KCNU1: variants seen among roughly 807,000 people sequenced by gnomAD.
The protein encoded by KCNU1 is potassium channel subfamily U member 1.
A neutral mutation model predicts 126.8 loss-of-function variants in KCNU1; 93 were observed. The observed-to-expected ratio is 0.73, with a 90% confidence interval of 0.62 to 0.87. The LOEUF is 0.87. Among genes scored for constraint, KCNU1 ranks in the 40% least tolerant of loss-of-function variants. The pLI is 0.00. For missense variants in KCNU1, 1,330 were observed against 1,367.1 expected (o/e 0.97, Z 0.43); for synonymous variants, 523 against 494.2 (o/e 1.06, Z -0.77).
At chr8:36,883,599 C>T (rs1197313715) in intron 19 of KCNU1, among the ~76,000 whole-genome samples, 3 of 151,966 alleles carry the variant, frequency 2.0e-5, no homozygotes, top group South Asian at 4.2e-4. Flanking sequence ...GCCTGGGCAA[C>T]ATGGTGAAAC....
chr8:36,821,346 C>T (rs183110034), intron 10 of KCNU1, among the ~76,000 whole-genome samples: 3 of 152,298 alleles, frequency 2.0e-5, no homozygotes, highest in Non-Finnish European at 2.9e-5. Context: ...CAGTGCCCTC[C>T]GTTACAACCC....
intron 24 of KCNU1, among the ~76,000 whole-genome samples, chr8:36,927,997 A>G (rs1389838466): frequency 8.4e-6 from 1 of 119,596 alleles, no homozygotes; most frequent in Non-Finnish European, 1.7e-5. Flanking sequence ...GATGGAAGGA[A>G]GGAAGGGAGG....
chr8:36,929,179 T>C, intron 24 of KCNU1: 1 of 526,064 alleles, frequency 1.9e-6, no homozygotes, highest in Non-Finnish European at 3.4e-6. Context: ...GTCAGGAGTT[T>C]GAGATCAGCA....
At chr8:36,885,831 A>T (rs552371950) in intron 19 of KCNU1, among the ~76,000 whole-genome samples, 1 of 152,226 alleles carries the variant, frequency 6.6e-6, no homozygotes, top group Admixed American at 6.5e-5. Flanking sequence ...CAATCAGAGC[A>T]TTCTCCATTA....
At chr8:36,884,006 G>A (rs988402672) in intron 19 of KCNU1, among the ~76,000 whole-genome samples, 1 of 152,172 alleles carries the variant, frequency 6.6e-6, no homozygotes, top group Non-Finnish European at 1.5e-5. Context: ...GGGTTGGGAA[G>A]ACTTGCAACT....
chr8:36,827,858 G>A (rs1235391489), intron 10 of KCNU1, among the ~76,000 whole-genome samples: 1 of 152,038 alleles, frequency 6.6e-6, no homozygotes, highest in African/African-American at 2.4e-5. Flanking sequence ...AAGGTGTATT[G>A]AGCCCATTGT....
chr8:36,910,161 A>T (rs1174302262), intron 21 of KCNU1, among the ~76,000 whole-genome samples: 1 of 152,156 alleles, frequency 6.6e-6, no homozygotes, highest in South Asian at 2.1e-4. Flanking sequence ...TTTCATTTTC[A>T]TGAGATACGC....
chr8:36,922,882 T>G, intron 24 of KCNU1: 1 of 575,298 alleles, frequency 1.7e-6, no homozygotes, highest in East Asian at 3.7e-5. Context: ...GAAGAGTGAG[T>G]GTCGGCCTCT....
At chr8:36,888,849 C>T (rs777089711) in intron 19 of KCNU1, 3 of 472,282 alleles carry the variant, frequency 6.4e-6, no homozygotes, top group Non-Finnish European at 1.3e-5. Context: ...AAATCAAGCA[C>T]ATCTTTGCTA....
At chr8:36,848,756 C>T in intron 18 of KCNU1, among the ~76,000 whole-genome samples, 1 of 152,090 alleles carries the variant, frequency 6.6e-6, no homozygotes, top group Non-Finnish European at 1.5e-5. Context: ...GTTTCAAGAG[C>T]ACACCACTGA....
chr8:36,844,637 A>G (rs1473643339), intron 16 of KCNU1, among the ~76,000 whole-genome samples: 1 of 152,216 alleles, frequency 6.6e-6, no homozygotes, highest in African/African-American at 2.4e-5. Flanking sequence ...TTGGCTGTGC[A>G]AGCTCATTTA....
At chr8:36,857,061 C>T (rs935433681) in intron 18 of KCNU1, among the ~76,000 whole-genome samples, 6 of 152,194 alleles carry the variant, frequency 3.9e-5, no homozygotes, top group East Asian at 3.9e-4. Flanking sequence ...CCATTGCTCC[C>T]GAGCTTGCAG....
chr8:36,837,855 C>T (rs1160037797), intron 14 of KCNU1, among the ~76,000 whole-genome samples: 1 of 151,652 alleles, frequency 6.6e-6, no homozygotes, highest in Non-Finnish European at 1.5e-5. Flanking sequence ...TGAGTCCATG[C>T]TTGCCTTTCA....
intron 22 of KCNU1, among the ~76,000 whole-genome samples, chr8:36,917,926 A>T (rs932901902): frequency 3.3e-5 from 5 of 152,142 alleles, no homozygotes; most frequent in African/African-American, 7.2e-5. Context: ...AGCCTTCCAT[A>T]TGGAGACAGG....
intron 18 of KCNU1, among the ~76,000 whole-genome samples, chr8:36,851,813 T>C (rs1805358557): frequency 6.6e-6 from 1 of 152,246 alleles, no homozygotes; most frequent in Admixed American, 6.5e-5. Flanking sequence ...TCTTATATCA[T>C]GCAACCTCAC....
chr8:36,905,036 G>GA (rs1272795410), intron 19 of KCNU1, among the ~76,000 whole-genome samples: 1 of 152,102 alleles, frequency 6.6e-6, no homozygotes, highest in Non-Finnish European at 1.5e-5. Flanking sequence ...TCCTTAGGAT[G>GA]AAAGTGGGAT....
At chr8:36,858,176 CAAAAAAAAAAA>C (rs67265944) in intron 18 of KCNU1, among the ~76,000 whole-genome samples, 1 of 73,036 alleles carries the variant, frequency 1.4e-5, no homozygotes, top group African/African-American at 5.8e-5. Context: ...TCAAGGATGG[CAAAAAAAAAAA>C]AAAAAAAAAA....
intron 16 of KCNU1, among the ~76,000 whole-genome samples, chr8:36,843,085 A>C (rs1412936799): frequency 1.3e-5 from 2 of 152,154 alleles, no homozygotes; most frequent in Admixed American, 1.3e-4. Context: ...TGGTTTATTC[A>C]CTGGAATCTG....
chr8:36,874,931 C>G (rs1039035060), intron 19 of KCNU1, among the ~76,000 whole-genome samples: 4 of 151,968 alleles, frequency 2.6e-5, no homozygotes, highest in African/African-American at 9.7e-5. Flanking sequence ...TTCCTTAGAA[C>G]CCCTCTGTTC....
Sources: gnomAD v4.1 joint callset for allele counts (sites outside exome capture counted in the v4.1 genomes callset) on GRCh38, gnomAD v4.1.1 for gene constraint, MANE v1.5 for transcripts, NCBI Gene and HGNC (gene_info 2026-07-23, HGNC 2026-07-21) for gene names.